PDE4D: variants seen among roughly 807,000 people sequenced by gnomAD.
The protein encoded by PDE4D is phosphodiesterase 4D, also known as 3',5'-cyclic-AMP phosphodiesterase 4D.
A neutral mutation model predicts 87.4 loss-of-function variants in PDE4D; 24 were observed. The observed-to-expected ratio is 0.27, with a 90% CI of 0.20 to 0.39. PDE4D has a LOEUF of 0.39. PDE4D is among the 10% of genes least tolerant of loss of function. The pLI, the probability that PDE4D is intolerant of heterozygous loss-of-function variation, is 1.00. For missense variants in PDE4D, 714 were observed against 1,041.0 expected (o/e 0.69, Z 4.32); for synonymous variants, 384 against 383.2 (o/e 1.00, Z -0.02).
At chr5:59,318,672 A>G (rs1774172314) in intron 1 of PDE4D, among the ~76,000 whole-genome samples, 2 of 152,198 alleles carry the variant, frequency 1.3e-5, no homozygotes, top group African/African-American at 4.8e-5. Flanking sequence ...TAAATTAAAA[A>G]TATGAAAAAT....
intron 1 of PDE4D, among the ~76,000 whole-genome samples, chr5:59,380,941 T>TA (rs1670593738): frequency 1.3e-5 from 2 of 152,214 alleles, no homozygotes; most frequent in South Asian, 4.1e-4. Flanking sequence ...TGTCTACAGA[T>TA]AACTGCATTT....
At chr5:59,487,498 T>G (rs1038233751) in intron 1 of PDE4D, among the ~76,000 whole-genome samples, 4 of 152,156 alleles carry the variant, frequency 2.6e-5, no homozygotes, top group Non-Finnish European at 5.9e-5. Context: ...CTACTTAAAT[T>G]CAGCTTCCTC....
At chr5:59,952,364 C>G (rs1055132975) in intron 3 of PDE4D, among the ~76,000 whole-genome samples, 7 of 152,258 alleles carry the variant, frequency 4.6e-5, no homozygotes, top group Middle Eastern at 3.4e-3. Context: ...ATTCTCACCC[C>G]ATCCAACCCT....
At chr5:59,991,006 C>T (rs1762951173) in intron 2 of PDE4D, among the ~76,000 whole-genome samples, 3 of 152,168 alleles carry the variant, frequency 2.0e-5, no homozygotes, top group Admixed American at 2.0e-4. Flanking sequence ...AGTATAGTCA[C>T]TGGCAGAGTG....
At chr5:60,026,965 A>G (rs1766693175) in intron 2 of PDE4D, among the ~76,000 whole-genome samples, 1 of 152,200 alleles carries the variant, frequency 6.6e-6, no homozygotes, top group African/African-American at 2.4e-5. Context: ...CTTGTCCCAA[A>G]GTATAACTGT....
chr5:59,602,239 C>T lies in PDE4D; in HGVS notation c.455+290929G>A, dbSNP rs545492927. Among the ~76,000 whole-genome samples, 107 of 151,858 alleles carry T rather than the reference C, an allele frequency of 7.0e-4. 1 individual carries two copies. Among genetic ancestry groups the T allele is most frequent in the African/African-American group, 2.5e-3 (103 of 41,448 alleles). On this transcript the variant is annotated intron_variant, in intron 1 of 14. Coordinates refer to ENST00000340635, the MANE Select transcript of PDE4D (RefSeq NM_001104631.2). ...TGAACATCCTTTCATAATAAAAACC[C>T]CTCAACAAATTAAGTATAGAAGGAA...
rs139229993 is a variant in PDE4D at position 59,358,592 on chromosome 5, G to A, written c.456-142624C>T. On this transcript the variant is annotated intron_variant, in intron 1 of 14. Coordinates refer to ENST00000340635, the MANE Select transcript of PDE4D (RefSeq NM_001104631.2). ...AGGAAATGCACACATTCCTGGCAGA[G>A]TTAGCACTGAGCTGAACAACTTGGT... 8.8e-4 allele frequency among the ~76,000 whole-genome samples: 134 copies of A among 152,228 alleles called. 1 individual carries two copies. The highest frequency in any genetic ancestry group is 1.9e-4 in the Non-Finnish European group (13 of 68,016).
chr5:59,613,880 C>A (rs889205907), intron 1 of PDE4D, among the ~76,000 whole-genome samples: 2 of 151,944 alleles, frequency 1.3e-5, no homozygotes, highest in Admixed American at 6.6e-5. Flanking sequence ...ATCAGTAAAC[C>A]AAAATTACAT....
chr5:59,355,370 T>G (rs1444380275), intron 1 of PDE4D, among the ~76,000 whole-genome samples: 2 of 152,190 alleles, frequency 1.3e-5, no homozygotes, highest in Non-Finnish European at 2.9e-5. Context: ...TTTACTTTAT[T>G]CAGCAGCTGG....
At chr5:60,265,212 G>T (rs1456302202) in intron 1 of PDE4D, among the ~76,000 whole-genome samples, 2 of 152,166 alleles carry the variant, frequency 1.3e-5, no homozygotes, top group Non-Finnish European at 2.9e-5. Flanking sequence ...CAGCCCAGGG[G>T]AGGACAATGC....
At chr5:59,026,632 A>G (rs1457733454) in intron 6 of PDE4D, among the ~76,000 whole-genome samples, 1 of 152,158 alleles carries the variant, frequency 6.6e-6, no homozygotes, top group African/African-American at 2.4e-5. Flanking sequence ...ATTACAAATA[A>G]AAGTTCTGTG....
intron 1 of PDE4D, among the ~76,000 whole-genome samples, chr5:59,445,652 T>C (rs1349381879): frequency 6.6e-6 from 1 of 152,224 alleles, no homozygotes; most frequent in African/African-American, 2.4e-5. Context: ...TTCCGGCAAC[T>C]TGTAAGCATA....
At chr5:60,110,415 A>T (rs1409766205) in intron 2 of PDE4D, among the ~76,000 whole-genome samples, 1 of 152,118 alleles carries the variant, frequency 6.6e-6, no homozygotes, top group African/African-American at 2.4e-5. Context: ...GTATATGAGA[A>T]AATGCTGAAC....
At chr5:60,156,847 C>A (rs1305857692) in intron 2 of PDE4D, among the ~76,000 whole-genome samples, 2 of 152,118 alleles carry the variant, frequency 1.3e-5, no homozygotes, top group East Asian at 3.9e-4. Flanking sequence ...GTAAACCTAA[C>A]TCATGATGCT....
chr5:59,150,831 A>T (rs568657736), intron 5 of PDE4D, among the ~76,000 whole-genome samples: 3 of 152,170 alleles, frequency 2.0e-5, no homozygotes, highest in South Asian at 2.1e-4. Context: ...AGAAAAAAAA[A>T]TTTTTAAATC....
chr5:60,301,815 T>C (rs1753923056), intron 1 of PDE4D, among the ~76,000 whole-genome samples: 1 of 152,196 alleles, frequency 6.6e-6, no homozygotes, highest in Non-Finnish European at 1.5e-5. Flanking sequence ...AGATTTGTCA[T>C]ATATGGCTCT....
At chr5:60,373,645 T>C (rs1035607993) in intron 1 of PDE4D, among the ~76,000 whole-genome samples, 17 of 152,312 alleles carry the variant, frequency 1.1e-4, no homozygotes, top group African/African-American at 4.1e-4. Context: ...ATGGAAAACC[T>C]AGTGAGAAAA....
In PDE4D at chr5:59,054,642, AT is replaced by A. The variant is rs528677691; in HGVS notation, c.809-15672del. Among the ~76,000 whole-genome samples, 553 of 152,132 alleles carry A rather than the reference AT, an allele frequency of 3.6e-3. 1 individual carries two copies. The highest frequency in any genetic ancestry group is 7.3e-3 in the Admixed American group (112 of 15,290). On this transcript the variant is annotated intron_variant, in intron 5 of 14. Transcript: ENST00000340635. ...AAGGAAATGTATATATAGGAACAGT[AT>A]ATACCATACACATAAGAGTAAATAT...
chr5:60,177,667 AATT>A lies in PDE4D; in HGVS notation c.42+7887_42+7889del, dbSNP rs143384944. On this transcript the variant is annotated intron_variant, in intron 2 of 16. Coordinates refer to the PDE4D transcript ENST00000502484. ...TGACTGCAAAGTTCATAATGTGAAA[AATT>A]ATTATTGAGCCTGTTCTAAGAAGTA... is the stretch of plus-strand genomic sequence containing the variant. Among the ~76,000 whole-genome samples, 40 of 152,256 alleles carry A rather than the reference AATT, an allele frequency of 2.6e-4. No homozygotes were observed. In the East Asian group the frequency reaches 5.0e-3, roughly 19 times the overall value.
Sources: gnomAD v4.1 joint callset for allele counts (sites outside exome capture counted in the v4.1 genomes callset) on GRCh38, gnomAD v4.1.1 for gene constraint, MANE v1.5 for transcripts, NCBI Gene and HGNC (gene_info 2026-07-23, HGNC 2026-07-21) for gene names.